The following BORCS5 variants were observed in gnomAD, a reference collection of about 807,000 sequenced individuals.
The protein encoded by BORCS5 is BLOC-1-related complex subunit 5.
Under a neutral mutation model 22.1 loss-of-function variants are expected in BORCS5, and 17 were observed. The ratio of observed to expected loss-of-function variants is 0.77; its 90% CI spans 0.53 to 1.15. The LOEUF (loss-of-function observed/expected upper bound fraction) is 1.15, where lower values mean the gene tolerates loss of function less well. Among genes scored for constraint, BORCS5 ranks in the 50% most tolerant of loss-of-function variants. The pLI is 0.00. For missense variants in BORCS5, 247 were observed against 253.2 expected (o/e 0.98, Z 0.17); for synonymous variants, 117 against 99.8 (o/e 1.17, Z -1.03).
intron 2 of BORCS5, among the ~76,000 whole-genome samples, chr12:12,414,338 GC>G (rs1303543125): frequency 1.6e-4 from 10 of 62,262 alleles, no homozygotes; most frequent in African/African-American, 7.0e-4. Flanking sequence ...CGGGGGGCTG[GC>G]CCCCCCACCT....
chr12:12,430,308 G>A (rs923936429), intron 2 of BORCS5, among the ~76,000 whole-genome samples: 6 of 151,744 alleles, frequency 4.0e-5, no homozygotes, highest in African/African-American at 1.5e-4. Context: ...CTGCCACCAC[G>A]CCTGGCTAAT....
intron 3 of BORCS5, among the ~76,000 whole-genome samples, chr12:12,453,508 A>G (rs1466146134): frequency 6.6e-6 from 1 of 152,124 alleles, no homozygotes; most frequent in Non-Finnish European, 1.5e-5. Flanking sequence ...GGATTCCCAA[A>G]TAGGTTTCTT....
chr12:12,470,634 GGTT>G lies in BORCS5; in HGVS notation c.*4860_*4862del. Among the ~76,000 whole-genome samples the G allele has an allele frequency of 6.6e-6, 1 of 150,980 alleles. No homozygotes were observed. Among genetic ancestry groups the G allele is most frequent in the African/African-American group, 2.4e-5 (1 of 41,052 alleles). On this transcript the variant is annotated 3_prime_UTR_variant, in exon 4 of 4. Coordinates refer to ENST00000314565, the MANE Select transcript of BORCS5 (RefSeq NM_058169.6). ...TGAAATGGGTCCCTGGTGCCAGAAA[GGTT>G]GGGGACTGCTGTCATAAATAACATT...
At chr12:12,393,467 A>G (rs1287028768) in intron 2 of BORCS5, among the ~76,000 whole-genome samples, 1 of 151,734 alleles carries the variant, frequency 6.6e-6, no homozygotes, top group African/African-American at 2.4e-5. Flanking sequence ...TCCTTATACA[A>G]CTGGTTATTT....
chr12:12,451,153 G>A (rs1401707384), intron 3 of BORCS5, among the ~76,000 whole-genome samples: 1 of 151,112 alleles, frequency 6.6e-6, no homozygotes, highest in Non-Finnish European at 1.5e-5. Flanking sequence ...AGAATACATG[G>A]CAAGAATTTA....
intron 2 of BORCS5, among the ~76,000 whole-genome samples, chr12:12,379,573 C>G (rs1358190415): frequency 2.0e-5 from 3 of 151,510 alleles, no homozygotes; most frequent in African/African-American, 7.3e-5. Flanking sequence ...TTTAGAATCT[C>G]CTACCCGACA....
chr12:12,358,861 G>T (rs1052502886), intron 1 of BORCS5, among the ~76,000 whole-genome samples: 28 of 152,138 alleles, frequency 1.8e-4, no homozygotes, highest in African/African-American at 6.5e-4. Flanking sequence ...ACCAAAACAG[G>T]TAAATAAATA....
intron 2 of BORCS5, among the ~76,000 whole-genome samples, chr12:12,375,094 CT>C (rs1251427979): frequency 9.9e-5 from 15 of 152,160 alleles, no homozygotes; most frequent in African/African-American, 3.1e-4. Flanking sequence ...TCACTGCAAC[CT>C]CTGCCTCCTG....
chr12:12,427,513 G>A (rs1324041253), intron 2 of BORCS5, among the ~76,000 whole-genome samples: 1 of 152,158 alleles, frequency 6.6e-6, no homozygotes, highest in African/African-American at 2.4e-5. Flanking sequence ...AGAAGGGAGT[G>A]CCTTTGAGAA....
At chr12:12,413,900 C>T (rs1405829261) in intron 2 of BORCS5, among the ~76,000 whole-genome samples, 1 of 58,656 alleles carries the variant, frequency 1.7e-5, no homozygotes, top group Non-Finnish European at 3.4e-5. Context: ...CCCCCCACCT[C>T]CCTCCCGGAC....
intron 2 of BORCS5, among the ~76,000 whole-genome samples, chr12:12,368,908 GAA>G (rs1286569685): frequency 1.3e-5 from 2 of 152,194 alleles, no homozygotes; most frequent in East Asian, 1.9e-4. Flanking sequence ...CACTTGAAAA[GAA>G]TGTGTTCTGT....
intron 2 of BORCS5, among the ~76,000 whole-genome samples, chr12:12,365,650 G>C (rs1262836423): frequency 6.6e-6 from 1 of 151,816 alleles, no homozygotes; most frequent in Non-Finnish European, 1.5e-5. Context: ...TTTCACTTGT[G>C]AAGACGAAAC....
rs185102411 is a variant in BORCS5 at position 12,467,112 on chromosome 12, A to G, written c.*1336A>G. 42 of 152,280 alleles carry G rather than the reference A, an allele frequency of 2.8e-4. 1 individual carries two copies. The highest frequency in any genetic ancestry group is 2.7e-3 in the Admixed American group (41 of 15,300). The allele number at this position is 152,280 out of a possible 1,614,324, so 9.4% of individuals were successfully genotyped here. A position where few individuals can be genotyped will look rare whatever the true frequency, so the allele number is the denominator to read the frequency against. ...TCCAGCTAATTAAAAAAAATTAATT[A>G]ATTTTACATTTTCAAATTCAAAAGA... is the stretch of plus-strand genomic sequence containing the variant. On this transcript the variant is annotated 3_prime_UTR_variant, in exon 4 of 4. Transcript: ENST00000314565.
chr12:12,424,083 T>C (rs1427748818), intron 2 of BORCS5, among the ~76,000 whole-genome samples: 2 of 152,210 alleles, frequency 1.3e-5, no homozygotes, highest in Admixed American at 6.5e-5. Flanking sequence ...TTCATCTCTT[T>C]CATCAAATTT....
chr12:12,365,331 G>A (rs1199901455), intron 2 of BORCS5, among the ~76,000 whole-genome samples: 1 of 151,606 alleles, frequency 6.6e-6, no homozygotes, highest in African/African-American at 2.4e-5. Context: ...ACCACACCCG[G>A]CTAATTAAAA....
chr12:12,431,400 A>ATTTT lies in BORCS5; in HGVS notation c.203-4226_203-4225insTTTT, dbSNP rs371924998. Among the ~76,000 whole-genome samples the ATTTT allele has an allele frequency of 9.5e-4, 104 of 109,730 alleles. 1 individual carries two copies. The highest frequency in any genetic ancestry group is 2.9e-3 in the African/African-American group (81 of 27,520). The allele number at this position is 109,730 out of a possible 152,430, so 72.0% of individuals were successfully genotyped here. On this transcript the variant is annotated intron_variant, in intron 2 of 3. Transcript: ENST00000314565. ...ACTTTTGTTCATCTTTCTTTTGCTA[A>ATTTT]TTCTTTTTTTTTTTTTTTTTTGAGA...
intron 2 of BORCS5, among the ~76,000 whole-genome samples, chr12:12,376,214 G>T (rs1592064216): frequency 6.6e-6 from 1 of 151,532 alleles, no homozygotes; most frequent in Non-Finnish European, 1.5e-5. Context: ...GGTGACAATT[G>T]GGATTGCTTT....
rs1173990232 is a variant in BORCS5 at position 12,465,865 on chromosome 12, T to C, written c.*89T>C. On this transcript the variant is annotated 3_prime_UTR_variant, in exon 4 of 4. Transcript: ENST00000314565. Reference sequence around the variant, plus strand: ...TAAGGTCATATCATCTGACCAGGTCTGGAGGCTGGCGGGAGGCTCCCTGAA... The same window carrying C: ...TAAGGTCATATCATCTGACCAGGTCCGGAGGCTGGCGGGAGGCTCCCTGAA... 8.6e-7 allele frequency: 1 copy of C among 1,167,234 alleles called. No homozygotes were observed. The highest frequency in any genetic ancestry group is 1.5e-5 in the African/African-American group (1 of 65,092). 72.3% of individuals were successfully genotyped at this position (1,167,234 alleles called of 1,614,324 possible).
At chr12:12,446,659 A>AT (rs1184161377) in intron 3 of BORCS5, among the ~76,000 whole-genome samples, 3 of 152,228 alleles carry the variant, frequency 2.0e-5, no homozygotes, top group African/African-American at 7.2e-5. Flanking sequence ...TTGAAGCAGC[A>AT]TTTAATTTTC....
Sources: allele counts gnomAD v4.1 joint callset (sites outside exome capture counted in the v4.1 genomes callset), GRCh38; gene constraint gnomAD v4.1.1; transcripts MANE v1.5; gene names NCBI Gene and HGNC (gene_info 2026-07-23, HGNC 2026-07-21).